Variants in FAF1 observed in about 807,000 individuals in gnomAD.
FAF1 encodes the protein FAS-associated factor 1.
Under a neutral mutation model 92.5 loss-of-function variants are expected in FAF1, and 25 were observed. The observed-to-expected ratio is 0.27, with a 90% CI of 0.20 to 0.38. FAF1 has a LOEUF of 0.38. Among genes scored for constraint, FAF1 ranks in the 10% least tolerant of loss-of-function variants. The pLI, the probability that FAF1 is intolerant of heterozygous loss-of-function variation, is 1.00. For synonymous variants in FAF1, 234 were observed against 273.2 expected, an observed-to-expected ratio of 0.86 and a Z score of 1.42; for missense variants, 636 against 793.3, an observed-to-expected ratio of 0.80 and a Z score of 2.38.
At chr1:50,662,940 G>A (rs1655448295) in intron 7 of FAF1, among the ~76,000 whole-genome samples, 2 of 151,200 alleles carry the variant, frequency 1.3e-5, no homozygotes, top group South Asian at 2.1e-4. Flanking sequence ...CTCGTGATCC[G>A]CCCGCCTTGG....
At chr1:50,736,346 A>C (rs1340676709) in intron 6 of FAF1, among the ~76,000 whole-genome samples, 1 of 152,236 alleles carries the variant, frequency 6.6e-6, no homozygotes, top group Non-Finnish European at 1.5e-5. Context: ...AATCAGTTTG[A>C]TTCATTATGA....
In FAF1 at chr1:50,475,695, A is replaced by C. The variant is rs1299531799; in HGVS notation, c.1654-16T>G. The C allele has an allele frequency of 1.3e-6, 2 of 1,583,876 alleles. No homozygotes were observed. The highest frequency in any genetic ancestry group is 1.1e-5 in the South Asian group (1 of 89,740). ...GCCGGATGGCCTAGGGAGAGCAAAAACCAGGTGTTAAAATGTGAGAAGGAC... is the reference window on the plus strand; with the variant it reads ...GCCGGATGGCCTAGGGAGAGCAAAACCCAGGTGTTAAAATGTGAGAAGGAC... On this transcript the variant is annotated splice_polypyrimidine_tract_variant and intron_variant, in intron 17 of 18. Transcript: ENST00000396153.
intron 1 of FAF1, among the ~76,000 whole-genome samples, chr1:50,944,563 C>A (rs1333739245): frequency 1.3e-5 from 2 of 152,126 alleles, no homozygotes; most frequent in Non-Finnish European, 2.9e-5. Context: ...AAATGTCAGG[C>A]GCAAGAGGGT....
intron 7 of FAF1, among the ~76,000 whole-genome samples, chr1:50,685,421 T>C (rs144618701): frequency 2.6e-5 from 4 of 152,284 alleles, no homozygotes; most frequent in Admixed American, 1.3e-4. Context: ...ACTACTGCTA[T>C]AGTATATAGT....
chr1:50,923,735 AG>A (rs1644983276), intron 1 of FAF1, among the ~76,000 whole-genome samples: 1 of 152,226 alleles, frequency 6.6e-6, no homozygotes, highest in Non-Finnish European at 1.5e-5. Flanking sequence ...ACTCACCATA[AG>A]TGGGATTTAT....
At chr1:50,759,457 C>T (rs1051340023) in intron 4 of FAF1, among the ~76,000 whole-genome samples, 8 of 151,766 alleles carry the variant, frequency 5.3e-5, no homozygotes, top group Non-Finnish European at 1.2e-4. Flanking sequence ...CAATTTCATC[C>T]ATGTCCCTAC....
At chr1:50,953,907 ACT>A (rs1645241932) in intron 1 of FAF1, among the ~76,000 whole-genome samples, 1 of 151,846 alleles carries the variant, frequency 6.6e-6, no homozygotes, top group South Asian at 2.1e-4. Flanking sequence ...AAATAAAGGG[ACT>A]CTTAATCTAT....
chr1:50,467,985 G>A (rs1266840946), intron 18 of FAF1, among the ~76,000 whole-genome samples: 7 of 152,188 alleles, frequency 4.6e-5, no homozygotes, highest in South Asian at 4.1e-4. Flanking sequence ...AAAGTAGGCA[G>A]ATCATCTGAG....
chr1:50,757,181 C>A (rs1012981807), intron 4 of FAF1, among the ~76,000 whole-genome samples: 5 of 152,164 alleles, frequency 3.3e-5, no homozygotes, highest in African/African-American at 4.8e-5. Context: ...CCTTAATGAT[C>A]AACTGCCCAA....
intron 13 of FAF1, among the ~76,000 whole-genome samples, chr1:50,542,145 A>T (rs1360084873): frequency 6.6e-6 from 1 of 152,184 alleles, no homozygotes; most frequent in Non-Finnish European, 1.5e-5. Context: ...CTTAACCAAC[A>T]ATTTGTTCTA....
chr1:50,815,628 C>G (rs1643962513), intron 2 of FAF1, among the ~76,000 whole-genome samples: 1 of 152,206 alleles, frequency 6.6e-6, no homozygotes, highest in African/African-American at 2.4e-5. Context: ...CTCTAAACTG[C>G]GTTCCACAGT....
chr1:50,572,637 C>A, intron 12 of FAF1, among the ~76,000 whole-genome samples: 1 of 152,166 alleles, frequency 6.6e-6, no homozygotes, highest in Non-Finnish European at 1.5e-5. Flanking sequence ...GATTCAAATT[C>A]CTGCTTTGCC....
intron 1 of FAF1, among the ~76,000 whole-genome samples, chr1:50,934,818 C>T (rs1175138941): frequency 1.1e-4 from 17 of 151,864 alleles, no homozygotes; most frequent in Admixed American, 1.1e-3. Context: ...GATTTTTTTT[C>T]TTTCAACACT....
chr1:50,880,503 T>C (rs897763554), intron 1 of FAF1, among the ~76,000 whole-genome samples: 9 of 152,238 alleles, frequency 5.9e-5, no homozygotes, highest in African/African-American at 2.2e-4. Context: ...ACAGGATTAC[T>C]ATCCTTATAG....
chr1:50,580,630 G>C (rs1650946715), intron 12 of FAF1, among the ~76,000 whole-genome samples: 1 of 151,906 alleles, frequency 6.6e-6, no homozygotes, highest in Non-Finnish European at 1.5e-5. Context: ...GGTAAAAAAA[G>C]CTGTTATTAC....
chr1:50,775,886 C>T (rs1430403186), intron 4 of FAF1, among the ~76,000 whole-genome samples: 1 of 152,056 alleles, frequency 6.6e-6, no homozygotes, highest in Non-Finnish European at 1.5e-5. Context: ...TCCCTAGTTA[C>T]ACATACAAAC....
At chr1:50,747,641 G>A (rs996696809) in intron 4 of FAF1, among the ~76,000 whole-genome samples, 2 of 152,132 alleles carry the variant, frequency 1.3e-5, no homozygotes, top group Non-Finnish European at 2.9e-5. Flanking sequence ...TGCTGAGAAG[G>A]GATGATTGTA....
chr1:50,846,558 A>G (rs372616404), intron 2 of FAF1: 372 of 516,484 alleles, frequency 7.2e-4, no homozygotes, highest in South Asian at 1.9e-3. Context: ...GTTCTGATGG[A>G]AAAAGGAGCA....
chr1:50,876,277 G>C (rs1428517480), intron 1 of FAF1, among the ~76,000 whole-genome samples: 2 of 152,126 alleles, frequency 1.3e-5, no homozygotes, highest in African/African-American at 2.4e-5. Context: ...ATTAAGGTAC[G>C]TTCTGGAAAG....
Sources: allele counts gnomAD v4.1 joint callset (sites outside exome capture counted in the v4.1 genomes callset), GRCh38; gene constraint gnomAD v4.1.1; transcripts MANE v1.5; gene names NCBI Gene and HGNC (gene_info 2026-07-23, HGNC 2026-07-21).